Variants in MAST2 observed in about 807,000 individuals in gnomAD.
The protein encoded by MAST2 is microtubule-associated serine/threonine-protein kinase 2.
In MAST2, 70 loss-of-function variants were observed where a neutral mutation model predicts 147.4. The observed-to-expected ratio is 0.47, with a 90% CI of 0.39 to 0.58. The LOEUF (loss-of-function observed/expected upper bound fraction) is 0.58, where lower values mean the gene tolerates loss of function less well. MAST2 is among the 20% of genes least tolerant of loss of function. The pLI is 0.00. For synonymous variants in MAST2, 869 were observed against 896.8 expected, an observed-to-expected ratio of 0.97 and a Z score of 0.55; for missense variants, 2,080 against 2,302.3, an observed-to-expected ratio of 0.90 and a Z score of 1.98.
chr1:46,027,958 G>T, intron 17 of MAST2, 95 bp downstream of exon 17: 3 of 1,490,946 alleles, frequency 2.0e-6, no homozygotes, highest in Non-Finnish European at 1.8e-6. Flanking sequence ...TTGGGAGGCT[G>T]AGGCAGGAGG....
chr1:45,940,066 A>G (rs4409589), intron 4 of MAST2, among the ~76,000 whole-genome samples: 147,508 of 147,738 alleles, frequency 1, 73,642 homozygotes, highest in Middle Eastern at 1. Flanking sequence ...TCACTGCAGC[A>G]TCCACACCAC....
intron 3 of MAST2, among the ~76,000 whole-genome samples, chr1:45,844,272 A>G (rs976210171): frequency 4.6e-5 from 7 of 151,426 alleles, no homozygotes; most frequent in Non-Finnish European, 7.4e-5. Context: ...GCTAATTTTT[A>G]TTTTTATTTA....
At position 45,998,265 on chromosome 1, in the gene MAST2, G is replaced by T. The variant is rs75209132; in HGVS notation, c.668+466G>T. Among the ~76,000 whole-genome samples, 332 of 152,280 alleles carry T rather than the reference G, an allele frequency of 2.2e-3. 2 individuals carry two copies. The highest frequency in any genetic ancestry group is 3.1e-3 in the Non-Finnish European group (210 of 68,024). ...TTTGTGCCTCTCTCCTTGACTTTGA[G>T]CTGGAGTTCGTTTGGGGGATAAAGA... is the stretch of plus-strand genomic sequence containing the variant. On this transcript the variant is annotated intron_variant, in intron 6 of 28. Transcript: ENST00000361297.
At position 45,952,689 on chromosome 1, in the gene MAST2, G is replaced by GA. The variant is rs1202160127; in HGVS notation, c.501-6691dup. Among the ~76,000 whole-genome samples, 6 of 152,158 alleles carry GA rather than the reference G, an allele frequency of 3.9e-5. No individual in the cohort carries two copies. The South Asian group carries it at 1.0e-3, about 26-fold the overall frequency. ...CAGAATAATATTTTTAAAGTATTGAGAAAAAAGTTACTCTGAACAAGACAC... is the reference window on the plus strand; with the variant it reads ...CAGAATAATATTTTTAAAGTATTGAGAAAAAAAGTTACTCTGAACAAGACAC... On this transcript the variant is annotated intron_variant, in intron 4 of 28. Coordinates refer to ENST00000361297, the MANE Select transcript of MAST2 (RefSeq NM_015112.3).
chr1:45,906,806 CA>C (rs1650826714), intron 4 of MAST2, among the ~76,000 whole-genome samples: 1 of 151,986 alleles, frequency 6.6e-6, no homozygotes, highest in Non-Finnish European at 1.5e-5. Context: ...TACATTTACT[CA>C]CCACTCACTC....
chr1:45,986,841 T>C (rs1189189082), intron 5 of MAST2, among the ~76,000 whole-genome samples: 3 of 152,174 alleles, frequency 2.0e-5, no homozygotes, highest in Non-Finnish European at 4.4e-5. Context: ...TCTGTAGTTA[T>C]CTTATAATAT....
In MAST2 at chr1:45,917,488, A is replaced by T. The variant is rs957795609; in HGVS notation, c.500+35093A>T. On this transcript the variant is annotated intron_variant, in intron 4 of 28. Coordinates refer to ENST00000361297, the MANE Select transcript of MAST2 (RefSeq NM_015112.3). The stretch of plus-strand genomic sequence containing the variant: ...GCCATTTTCCTGAACCCACGAGCCC[A>T]CAGCAGTCCTGGCACTCCTTGTTCC... 2.2e-6 allele frequency: 3 copies of T among 1,366,442 alleles called. No individual in the cohort carries two copies. The African/African-American group carries it at 4.4e-5, about 20-fold the overall frequency. The allele number at this position is 1,366,442 out of a possible 1,614,324, so 84.6% of individuals were successfully genotyped here. A position where few individuals can be genotyped will look rare whatever the true frequency, so the allele number is the denominator to read the frequency against.
chr1:46,034,506 T>C (rs1005056700), intron 28 of MAST2, 32 bp from the exon 29 acceptor site: 3 of 1,586,542 alleles, frequency 1.9e-6, no homozygotes, highest in Non-Finnish European at 2.6e-6. Context: ...TGCTCTGCTT[T>C]TGTCTGTCTG....
At chr1:45,825,062 G>C (rs1042798493) in intron 2 of MAST2, among the ~76,000 whole-genome samples, 1 of 152,098 alleles carries the variant, frequency 6.6e-6, no homozygotes, top group African/African-American at 2.4e-5. Flanking sequence ...GTTTCGCTCC[G>C]TAGCCCAGGC....
At chr1:45,862,487 A>ATTG (rs780029447) in intron 3 of MAST2, among the ~76,000 whole-genome samples, 2 of 136,236 alleles carry the variant, frequency 1.5e-5, no homozygotes, top group African/African-American at 5.5e-5. Flanking sequence ...AGGACTGAAG[A>ATTG]TTTTTTTTTT....
intron 1 of MAST2, 23 bp from the exon 2 acceptor site, chr1:45,824,409 GT>G: frequency 6.4e-7 from 1 of 1,565,672 alleles, no homozygotes; most frequent in Non-Finnish European, 8.7e-7. Flanking sequence ...AAAGACTCAT[GT>G]TTTACTCTTT....
intron 3 of MAST2, among the ~76,000 whole-genome samples, chr1:45,846,587 C>T (rs1366277814): frequency 2.6e-5 from 4 of 151,878 alleles, no homozygotes; most frequent in South Asian, 2.1e-4. Flanking sequence ...TTTGGGAGTC[C>T]GAGGCAGGTG....
rs141957070 is a variant in MAST2 at position 46,013,986 on chromosome 1, T to C, written c.1188+3047T>C. Among the ~76,000 whole-genome samples, 1,220 of 152,234 alleles carry C rather than the reference T, an allele frequency of 8.0e-3. 15 individuals are homozygous for C. The highest frequency in any genetic ancestry group is 0.024 in the African/African-American group (992 of 41,548). On this transcript the variant is annotated intron_variant, in intron 10 of 28. Coordinates refer to ENST00000361297, the MANE Select transcript of MAST2 (RefSeq NM_015112.3). ...AAGTCCTCATTTACTGTGTTTTTTT[T>C]CCGAAGAAAAATAATTTTAAAATAA...
At chr1:45,902,200 T>C (rs1649894374) in intron 4 of MAST2, among the ~76,000 whole-genome samples, 1 of 152,256 alleles carries the variant, frequency 6.6e-6, no homozygotes, top group Admixed American at 6.5e-5. Context: ...GAAGTGATGT[T>C]GGATTTTATC....
chr1:46,006,220 T>C, intron 7 of MAST2, 21 bp from the exon 8 acceptor site: 1 of 1,604,566 alleles, frequency 6.2e-7, no homozygotes, highest in South Asian at 1.1e-5. Flanking sequence ...TAATGCCACT[T>C]CTTAATGTTT....
intron 5 of MAST2, among the ~76,000 whole-genome samples, chr1:45,984,868 A>C (rs968583857): frequency 1.3e-5 from 2 of 152,160 alleles, no homozygotes; most frequent in African/African-American, 4.8e-5. Context: ...AAAAATCCAT[A>C]AAAATGAGTA....
intron 4 of MAST2, among the ~76,000 whole-genome samples, chr1:45,954,825 C>T (rs1438864847): frequency 1.3e-5 from 2 of 152,076 alleles, no homozygotes; most frequent in Admixed American, 6.5e-5. Flanking sequence ...CCTGGAAATA[C>T]GATCTTTAGT....
In MAST2 at chr1:45,944,760, T is replaced by G. The variant is rs139612229; in HGVS notation, c.501-14626T>G. ...CATATTTATTTGCCATCATGGTATTTCCAGTATCTCTCTCTACTGTGGGTT... is the reference window on the plus strand; with the variant it reads ...CATATTTATTTGCCATCATGGTATTGCCAGTATCTCTCTCTACTGTGGGTT... On this transcript the variant is annotated intron_variant, in intron 4 of 28. Transcript: ENST00000361297. Among the ~76,000 whole-genome samples, 3 of 152,344 alleles carry G rather than the reference T, an allele frequency of 2.0e-5. No individual in the cohort carries two copies. The East Asian group carries it at 5.8e-4, about 29-fold the overall frequency.
intron 4 of MAST2, among the ~76,000 whole-genome samples, chr1:45,891,587 C>G (rs976965621): frequency 6.6e-6 from 1 of 151,992 alleles, no homozygotes; most frequent in African/African-American, 2.4e-5. Flanking sequence ...GAAGAGTATT[C>G]TCTAAACAAT....
Sources: gnomAD v4.1 joint callset for allele counts (sites outside exome capture counted in the v4.1 genomes callset) on GRCh38, gnomAD v4.1.1 for gene constraint, MANE v1.5 for transcripts, NCBI Gene and HGNC (gene_info 2026-07-23, HGNC 2026-07-21) for gene names.